SRBD1: variants seen among roughly 807,000 people sequenced by gnomAD.
SRBD1 encodes S1 RNA-binding domain-containing protein 1.
A neutral mutation model predicts 115.3 loss-of-function variants in SRBD1; 88 were observed. That is an observed-to-expected ratio of 0.76 (90% confidence interval 0.64 to 0.91). The LOEUF (loss-of-function observed/expected upper bound fraction) is 0.91. Ranked by LOEUF, SRBD1 falls within the 40% of genes least tolerant of loss-of-function variation. The probability of loss-of-function intolerance (pLI) is 0.00; values close to 1 mark genes in which losing one functional copy is unlikely to be tolerated. For synonymous variants in SRBD1, 509 were observed against 407.7 expected (o/e 1.25, Z -2.99); for missense variants, 1,385 against 1,177.4 (o/e 1.18, Z -2.58).
chr2:45,484,917 A>G (rs1388638084), intron 15 of SRBD1, among the ~76,000 whole-genome samples: 1 of 152,194 alleles, frequency 6.6e-6, no homozygotes, highest in African/African-American at 2.4e-5. Context: ...AGCATGTACC[A>G]GTACTTCATT....
intron 16 of SRBD1, among the ~76,000 whole-genome samples, chr2:45,467,864 C>T (rs774989229): frequency 9.2e-5 from 14 of 152,210 alleles, no homozygotes; most frequent in South Asian, 2.1e-4. Context: ...AGGGAAGACA[C>T]TAAAACCAAC....
chr2:45,503,634 C>A (rs1224762595), intron 14 of SRBD1, among the ~76,000 whole-genome samples: 1 of 152,078 alleles, frequency 6.6e-6, no homozygotes, highest in Non-Finnish European at 1.5e-5. Context: ...TAAGAGGAAC[C>A]AAAGACGGCA....
At chr2:45,596,929 A>AACACAC (rs3223332) in intron 4 of SRBD1, among the ~76,000 whole-genome samples, 49,614 of 142,908 alleles carry the variant, frequency 0.35, 9,287 homozygotes, top group Non-Finnish European at 0.43. Flanking sequence ...CCACAACCCT[A>AACACAC]ACACACACAC....
chr2:45,479,227 C>T (rs911878400), intron 15 of SRBD1, among the ~76,000 whole-genome samples: 12 of 152,100 alleles, frequency 7.9e-5, no homozygotes, highest in African/African-American at 2.4e-4. Context: ...CAATAAATAA[C>T]CCTACAATGG....
At chr2:45,495,479 T>TC (rs1371044026) in intron 14 of SRBD1, among the ~76,000 whole-genome samples, 4 of 152,198 alleles carry the variant, frequency 2.6e-5, no homozygotes, top group Non-Finnish European at 5.9e-5. Context: ...TCTCACTCTC[T>TC]CTCTCTCTTC....
chr2:45,553,862 T>C (rs1395402707), intron 10 of SRBD1, 132 bp from the exon 11 acceptor site: 1 of 466,608 alleles, frequency 2.1e-6, no homozygotes, highest in Non-Finnish European at 3.9e-6. Context: ...ACATAATCTG[T>C]GAGGAAAGGC....
intron 16 of SRBD1, among the ~76,000 whole-genome samples, chr2:45,462,305 G>A (rs967325878): frequency 3.3e-5 from 5 of 152,124 alleles, no homozygotes; most frequent in African/African-American, 1.2e-4. Context: ...CAGAGGTTAT[G>A]GCTGTTATGA....
chr2:45,453,785 G>C (rs1669068863), intron 16 of SRBD1, among the ~76,000 whole-genome samples: 1 of 151,868 alleles, frequency 6.6e-6, no homozygotes, highest in Admixed American at 6.6e-5. Flanking sequence ...TATACAGAGA[G>C]AGACTAGAGA....
intron 15 of SRBD1, among the ~76,000 whole-genome samples, chr2:45,486,786 G>A (rs1012718191): frequency 1.3e-5 from 2 of 150,960 alleles, no homozygotes; most frequent in Admixed American, 1.3e-4. Context: ...TTTAAAAAGT[G>A]GGGATAATAA....
chr2:45,485,130 G>A (rs1341658938), intron 15 of SRBD1, among the ~76,000 whole-genome samples: 1 of 152,014 alleles, frequency 6.6e-6, no homozygotes, highest in Admixed American at 6.6e-5. Context: ...TGTTTAATTT[G>A]GTCTCGTTGC....
At chr2:45,435,946 A>G (rs1450186217) in intron 16 of SRBD1, among the ~76,000 whole-genome samples, 5 of 152,330 alleles carry the variant, frequency 3.3e-5, no homozygotes, top group East Asian at 1.9e-4. Flanking sequence ...AAAACCAGAC[A>G]AAGACATTAC....
At chr2:45,539,455 C>T (rs1214125530) in intron 14 of SRBD1, among the ~76,000 whole-genome samples, 2 of 152,132 alleles carry the variant, frequency 1.3e-5, no homozygotes, top group East Asian at 3.8e-4. Flanking sequence ...AAAGCTAGGA[C>T]TCCAGAGTTA....
chr2:45,434,977 G>A (rs937268989), intron 16 of SRBD1, among the ~76,000 whole-genome samples: 4 of 151,550 alleles, frequency 2.6e-5, no homozygotes, highest in African/African-American at 9.7e-5. Flanking sequence ...GTGTCCACGT[G>A]TTCTCATCGT....
chr2:45,419,621 T>C (rs1178211111), intron 17 of SRBD1, among the ~76,000 whole-genome samples, 167 bp downstream of exon 17: 2 of 152,254 alleles, frequency 1.3e-5, no homozygotes, highest in Non-Finnish European at 2.9e-5. Context: ...TTATAATTCT[T>C]TTCTTAAATG....
intron 14 of SRBD1, among the ~76,000 whole-genome samples, chr2:45,499,910 C>T (rs965189906): frequency 1.3e-5 from 2 of 152,094 alleles, no homozygotes; most frequent in African/African-American, 4.8e-5. Context: ...TTGTAGTATA[C>T]TTTGAAATCA....
At chr2:45,545,397 A>G (rs1187743950) in intron 14 of SRBD1, among the ~76,000 whole-genome samples, 1 of 151,530 alleles carries the variant, frequency 6.6e-6, no homozygotes, top group Non-Finnish European at 1.5e-5. Context: ...CAATAAAGGG[A>G]TATTCTATAA....
rs759470809 is a variant in SRBD1, at chr2:45,478,015, A to G, written c.1967-940T>C. Among the ~76,000 whole-genome samples the G allele has an allele frequency of 7.9e-4, 118 of 148,762 alleles. 1 individual carries two copies. Among genetic ancestry groups the G allele is most frequent in the Non-Finnish European group, 1.3e-3 (89 of 67,334 alleles). ...TAAAAATTCACATCTAATTTCGTTT[A>G]TAAGATAGATTTAGCTAGAAAAAAA... is the stretch of plus-strand genomic sequence containing the variant. On this transcript the variant is annotated intron_variant, in intron 15 of 20. Transcript: ENST00000263736.
chr2:45,579,922 T>G lies in SRBD1; in HGVS notation c.1025A>C (p.Lys342Thr), dbSNP rs1378164559. 2 of 1,610,254 alleles carry G rather than the reference T, an allele frequency of 1.2e-6. No homozygotes were observed. Among genetic ancestry groups the G allele is most frequent in the South Asian group, 2.2e-5 (2 of 90,550 alleles). ...LEGAARALLEKPGELSLLSYI... is the reference protein window; with the variant it reads ...LEGAARALLETPGELSLLSYI... ...CGATAGCAGACTGAGCTCCCCTGGT[T>G]TCTCAAGCAGTGCCCTGGCTGCTCC... Residue 342 changes from lysine to threonine, a missense_variant, in exon 7 of 21, where the codon AAA becomes ACA. By Grantham distance (78) the Lys-to-Thr change is moderately conservative. Coordinates refer to ENST00000263736, the MANE Select transcript of SRBD1 (RefSeq NM_018079.5).
chr2:45,410,088 G>A (rs774476809), intron 19 of SRBD1, among the ~76,000 whole-genome samples: 2 of 151,998 alleles, frequency 1.3e-5, no homozygotes, highest in Non-Finnish European at 2.9e-5. Context: ...TTAGAAAATG[G>A]CCAAATAATA....
Sources: allele counts gnomAD v4.1 joint callset (sites outside exome capture counted in the v4.1 genomes callset), GRCh38; gene constraint gnomAD v4.1.1; transcripts MANE v1.5; gene names NCBI Gene and HGNC (gene_info 2026-07-23, HGNC 2026-07-21).